ST6GALNAC5: variants seen among roughly 807,000 people sequenced by gnomAD.
ST6GALNAC5 encodes the protein ST6 N-acetylgalactosaminide alpha-2,6-sialyltransferase 5.
A neutral mutation model predicts 33.6 loss-of-function variants in ST6GALNAC5; 27 were observed. The observed-to-expected ratio is 0.80, with a 90% CI of 0.59 to 1.11. The LOEUF (loss-of-function observed/expected upper bound fraction) is 1.11. ST6GALNAC5 is among the 50% of genes least tolerant of loss of function. The pLI, the probability that ST6GALNAC5 is intolerant of heterozygous loss-of-function variation, is 0.00. For missense variants in ST6GALNAC5, 428 were observed against 454.0 expected (o/e 0.94, Z 0.52); for synonymous variants, 194 against 171.2 (o/e 1.13, Z -1.04).
intron 3 of ST6GALNAC5, among the ~76,000 whole-genome samples, chr1:77,048,315 C>T (rs148635641): frequency 7.2e-5 from 11 of 152,290 alleles, no homozygotes; most frequent in Middle Eastern, 3.4e-3. Context: ...CCAGATTAGG[C>T]TCCTGAAGCT....
At chr1:76,906,134 T>C (rs980650507) in intron 2 of ST6GALNAC5, among the ~76,000 whole-genome samples, 4 of 152,206 alleles carry the variant, frequency 2.6e-5, no homozygotes, top group African/African-American at 9.7e-5. Context: ...TAAGCTGTTA[T>C]CTGGCAACAA....
chr1:76,880,878 A>G (rs892044914), intron 2 of ST6GALNAC5, among the ~76,000 whole-genome samples: 1 of 152,338 alleles, frequency 6.6e-6, no homozygotes, highest in Non-Finnish European at 1.5e-5. Flanking sequence ...ATTTGCAGTC[A>G]GGTCTGTCTT....
At chr1:76,993,735 G>T (rs1394840478) in intron 2 of ST6GALNAC5, among the ~76,000 whole-genome samples, 3 of 152,014 alleles carry the variant, frequency 2.0e-5, no homozygotes. Flanking sequence ...TTAGCTTTCG[G>T]CTCTGGAAAC....
At chr1:76,905,428 C>A (rs1028385391) in intron 2 of ST6GALNAC5, among the ~76,000 whole-genome samples, 1 of 152,142 alleles carries the variant, frequency 6.6e-6, no homozygotes, top group Non-Finnish European at 1.5e-5. Flanking sequence ...GTGAGACACC[C>A]TCCCCTTAAA....
intron 3 of ST6GALNAC5, among the ~76,000 whole-genome samples, chr1:77,045,083 T>C (rs1222362905): frequency 6.6e-6 from 1 of 152,166 alleles, no homozygotes; most frequent in Non-Finnish European, 1.5e-5. Context: ...TATAAAGCCT[T>C]GGACACTTAC....
chr1:76,988,677 G>A (rs1377973360), intron 2 of ST6GALNAC5, among the ~76,000 whole-genome samples: 3 of 152,044 alleles, frequency 2.0e-5, no homozygotes, highest in Non-Finnish European at 4.4e-5. Flanking sequence ...AAATTAAACA[G>A]TAAACACATT....
intron 2 of ST6GALNAC5, among the ~76,000 whole-genome samples, chr1:76,982,282 T>C (rs994568608): frequency 6.6e-6 from 1 of 152,090 alleles, no homozygotes; most frequent in Non-Finnish European, 1.5e-5. Flanking sequence ...ATTAGATGAA[T>C]GGCTAACTAG....
intron 2 of ST6GALNAC5, among the ~76,000 whole-genome samples, chr1:76,911,324 G>T (rs916153774): frequency 6.6e-6 from 1 of 152,116 alleles, no homozygotes; most frequent in African/African-American, 2.4e-5. Context: ...GCTTTTTGAT[G>T]TGCTGCTGGA....
chr1:77,001,620 G>A (rs1650169439), intron 2 of ST6GALNAC5, among the ~76,000 whole-genome samples: 1 of 151,938 alleles, frequency 6.6e-6, no homozygotes, highest in Admixed American at 6.6e-5. Flanking sequence ...TATGATATTG[G>A]CTGTGAGTTT....
chr1:77,066,353 T>A lies in ST6GALNAC5; in HGVS notation c.*3147T>A, dbSNP rs1019457789. ...AATCCTTAGGTTACTACCAGATTTG[T>A]GTATCCTTTGTTTTCTGAAGTTCTC... On this transcript the variant is annotated 3_prime_UTR_variant, in exon 5 of 5. Coordinates refer to ENST00000477717, the MANE Select transcript of ST6GALNAC5 (RefSeq NM_030965.3). Among the ~76,000 whole-genome samples, 1 of 152,184 alleles carries A rather than the reference T, an allele frequency of 6.6e-6. No individual in the cohort carries two copies. Among genetic ancestry groups the A allele is most frequent in the African/African-American group, 2.4e-5 (1 of 41,432 alleles).
intron 2 of ST6GALNAC5, among the ~76,000 whole-genome samples, chr1:76,966,487 GGA>G (rs1462425782): frequency 2.0e-5 from 3 of 152,210 alleles, no homozygotes; most frequent in Non-Finnish European, 2.9e-5. Flanking sequence ...ATCAGCTTAA[GGA>G]GATTTTGGGC....
intron 2 of ST6GALNAC5, among the ~76,000 whole-genome samples, chr1:76,979,522 G>C (rs1381349056): frequency 6.6e-6 from 1 of 152,116 alleles, no homozygotes; most frequent in African/African-American, 2.4e-5. Context: ...AACATACATT[G>C]GGGGAAAGAG....
intron 2 of ST6GALNAC5, among the ~76,000 whole-genome samples, chr1:76,957,852 C>T (rs1648068804): frequency 6.6e-6 from 1 of 152,032 alleles, no homozygotes; most frequent in South Asian, 2.1e-4. Context: ...ATTTTTCCCC[C>T]ACAAATCAAG....
chr1:76,884,455 C>A (rs778290221), intron 2 of ST6GALNAC5, among the ~76,000 whole-genome samples: 1 of 152,160 alleles, frequency 6.6e-6, no homozygotes, highest in Non-Finnish European at 1.5e-5. Flanking sequence ...TCTCCACCTG[C>A]AGGACAGCCA....
At chr1:76,907,881 G>T (rs1162377747) in intron 2 of ST6GALNAC5, among the ~76,000 whole-genome samples, 1 of 151,958 alleles carries the variant, frequency 6.6e-6, no homozygotes, top group Non-Finnish European at 1.5e-5. Flanking sequence ...TTTGGTTCAT[G>T]GTTTCATATA....
intron 2 of ST6GALNAC5, among the ~76,000 whole-genome samples, chr1:76,985,500 G>A (rs181197152): frequency 5.9e-5 from 9 of 152,208 alleles, no homozygotes; most frequent in East Asian, 1.9e-4. Flanking sequence ...ACTGTACAAC[G>A]AAAGAAAAGA....
At chr1:76,888,743 A>G (rs1653951548) in intron 2 of ST6GALNAC5, among the ~76,000 whole-genome samples, 2 of 152,050 alleles carry the variant, frequency 1.3e-5, no homozygotes, top group African/African-American at 4.8e-5. Flanking sequence ...TAAAATTTTA[A>G]CATGTATATT....
intron 2 of ST6GALNAC5, among the ~76,000 whole-genome samples, chr1:76,883,754 T>G (rs1487761951): frequency 6.6e-6 from 1 of 152,232 alleles, no homozygotes; most frequent in East Asian, 1.9e-4. Context: ...TTAAACTATA[T>G]TCATTCATTC....
chr1:76,976,921 A>G (rs1649033518), intron 2 of ST6GALNAC5, among the ~76,000 whole-genome samples: 1 of 152,240 alleles, frequency 6.6e-6, no homozygotes, highest in Non-Finnish European at 1.5e-5. Flanking sequence ...CTCTATACAA[A>G]TCACCTGGAG....
Sources: gnomAD v4.1 joint callset for allele counts (sites outside exome capture counted in the v4.1 genomes callset) on GRCh38, gnomAD v4.1.1 for gene constraint, MANE v1.5 for transcripts, NCBI Gene and HGNC (gene_info 2026-07-23, HGNC 2026-07-21) for gene names.